CEACAM5: variants seen among roughly 807,000 people sequenced by gnomAD.
The protein encoded by CEACAM5 is CEA cell adhesion molecule 5, also known as cell adhesion molecule CEACAM5.
CEACAM5 carries 52 observed loss-of-function variants against 63.0 expected under a neutral mutation model. That is an observed-to-expected ratio of 0.83 (90% CI 0.66 to 1.04). The LOEUF (loss-of-function observed/expected upper bound fraction) is 1.04. CEACAM5 is among the 50% of genes least tolerant of loss of function. The pLI is 0.00. For missense variants in CEACAM5, 790 were observed against 864.8 expected (o/e 0.91, Z 1.08); for synonymous variants, 357 against 351.3 (o/e 1.02, Z -0.18).
At chr19:41,718,795 T>C (rs2072570308) in intron 6 of CEACAM5, among the ~76,000 whole-genome samples, 1 of 152,244 alleles carries the variant, frequency 6.6e-6, no homozygotes, top group African/African-American at 2.4e-5. Flanking sequence ...CTCACACTTT[T>C]TCCCCAAATG....
At chr19:41,712,414 C>G (rs2072450645) in intron 2 of CEACAM5, among the ~76,000 whole-genome samples, 1 of 152,268 alleles carries the variant, frequency 6.6e-6, no homozygotes. Flanking sequence ...GTTGTGTTTT[C>G]TGAGGTTGAT....
intron 8 of CEACAM5, among the ~76,000 whole-genome samples, chr19:41,722,609 G>A (rs2072640415): frequency 6.6e-6 from 1 of 152,096 alleles, no homozygotes; most frequent in Non-Finnish European, 1.5e-5. Flanking sequence ...TTTTGTGTCT[G>A]CCCTATTTCA....
chr19:41,715,989 A>G (rs1489324699), intron 4 of CEACAM5, 85 bp downstream of exon 4: 2 of 1,513,484 alleles, frequency 1.3e-6, no homozygotes, highest in Non-Finnish European at 9.0e-7. Context: ...GACATTTTCT[A>G]TCCCAGCCTG....
chr19:41,709,784 A>T lies in CEACAM5; in HGVS notation c.169A>T (p.Asn57Tyr), dbSNP rs1391241304. Residue 57 changes from asparagine to tyrosine, a missense_variant, in exon 2 of 10, where the codon AAT becomes TAT. By Grantham distance (143) the Asn-to-Tyr change is moderately radical (BLOSUM62 -2). Transcript: ENST00000221992. Reference protein sequence around the residue: ...EGKEVLLLVHNLPQHLFGYSW... With the variant: ...EGKEVLLLVHYLPQHLFGYSW... ...GAAGGAGGTGCTTCTACTTGTCCAC[A>T]ATCTGCCCCAGCATCTTTTTGGCTA... 6.2e-7 allele frequency: 1 copy of T among 1,613,994 alleles called. No homozygotes were observed. The highest frequency in any genetic ancestry group is 1.3e-5 in the African/African-American group (1 of 74,886).
chr19:41,726,085 T>G (rs1027507037), intron 8 of CEACAM5, among the ~76,000 whole-genome samples: 23 of 152,348 alleles, frequency 1.5e-4, no homozygotes, highest in African/African-American at 4.8e-4. Flanking sequence ...ACAGTATTGT[T>G]TTAAAGATTT....
chr19:41,711,675 G>A (rs569843795), intron 2 of CEACAM5, among the ~76,000 whole-genome samples: 1 of 152,154 alleles, frequency 6.6e-6, no homozygotes, highest in Non-Finnish European at 1.5e-5. Flanking sequence ...GGTCTCCGAG[G>A]TCACTATACC....
rs2072749058 is a variant in CEACAM5, at chr19:41,729,969, A to T, written c.*822A>T. Among the ~76,000 whole-genome samples the T allele has an allele frequency of 1.3e-5, 2 of 152,226 alleles. No individual in the cohort carries two copies. The highest frequency in any genetic ancestry group is 1.3e-4 in the Admixed American group (2 of 15,280). On this transcript the variant is annotated 3_prime_UTR_variant, in exon 10 of 10. Coordinates refer to ENST00000221992, the MANE Select transcript of CEACAM5 (RefSeq NM_004363.6). Reference sequence around the variant, plus strand: ...GTTATATTACCAAGACTTTGACTAGAATGTCGTATTTGAGGATATAAACCC... The same window carrying T: ...GTTATATTACCAAGACTTTGACTAGTATGTCGTATTTGAGGATATAAACCC...
In CEACAM5 at chr19:41,715,202, A is replaced by G. The variant is rs141597462; in HGVS notation, c.656A>G (p.Asn219Ser). The change falls in exon 3 of 10, where the codon AAC (asparagine) becomes AGC (serine). Residue 219 changes from asparagine to serine, a missense_variant. Coordinates refer to ENST00000221992, the MANE Select transcript of CEACAM5 (RefSeq NM_004363.6). ...DTASYKCETQ[N>S]PVSARRSDSV... ...GCAAGCTACAAATGTGAAACCCAGAACCCAGTGAGTGCCAGGCGCAGTGAT... is the reference window on the plus strand; with the variant it reads ...GCAAGCTACAAATGTGAAACCCAGAGCCCAGTGAGTGCCAGGCGCAGTGAT... 6.6e-5 allele frequency: 106 copies of G among 1,614,174 alleles called. No individual in the cohort carries two copies. The African/African-American group carries it at 1.3e-3, about 20-fold the overall frequency.
chr19:41,708,730 C>T lies in CEACAM5; in HGVS notation c.-2C>T, dbSNP rs782171457. On this transcript the variant is annotated 5_prime_UTR_variant, in exon 1 of 10. Transcript: ENST00000221992. ...AGGAGGACAGAGCAGACAGCAGAGA[C>T]CATGGAGTCTCCCTCGGCCCCTCCC... is the stretch of plus-strand genomic sequence containing the variant. 2.0e-5 allele frequency: 32 copies of T among 1,610,180 alleles called. No homozygotes were observed. The highest frequency in any genetic ancestry group is 1.5e-4 in the South Asian group (14 of 90,528).
chr19:41,719,679 C>G (rs2072585550), intron 6 of CEACAM5, among the ~76,000 whole-genome samples: 1 of 152,224 alleles, frequency 6.6e-6, no homozygotes, highest in Non-Finnish European at 1.5e-5. Flanking sequence ...AGTCCTGGGT[C>G]TGTCCACAAC....
At chr19:41,722,734 A>G (rs2072642333) in intron 8 of CEACAM5, among the ~76,000 whole-genome samples, 1 of 152,198 alleles carries the variant, frequency 6.6e-6, no homozygotes, top group Non-Finnish European at 1.5e-5. Context: ...CTATCCACTT[A>G]TCTTTCAATG....
In CEACAM5 at chr19:41,720,101, C is replaced by T. The variant is rs2072595385; in HGVS notation, c.1664C>T (p.Thr555Ile). The T allele has an allele frequency of 9.3e-6, 15 of 1,614,080 alleles. No individual in the cohort carries two copies. The highest frequency in any genetic ancestry group is 1.3e-5 in the Non-Finnish European group (15 of 1,180,054). The change falls in exon 7 of 10, where the codon ACC becomes ATC. Residue 555 changes from threonine (T) to isoleucine (I), a missense_variant. Physicochemically the swap from Thr to Ile is moderately conservative, Grantham distance 89. Coordinates refer to ENST00000221992, the MANE Select transcript of CEACAM5 (RefSeq NM_004363.6). ...PRLQLSNGNR[T>I]LTLFNVTRND... Reference sequence around the variant, plus strand: ...CTGCAGCTGTCCAATGGCAACAGGACCCTCACTCTATTCAATGTCACAAGA... The same window carrying T: ...CTGCAGCTGTCCAATGGCAACAGGATCCTCACTCTATTCAATGTCACAAGA...
rs3815780 is a variant in CEACAM5, at chr19:41,710,025, A to C, written c.410A>C (p.Gln137Pro). Residue 137 changes from glutamine (Q) to proline (P), a missense_variant, in exon 2 of 10, where the codon CAG (glutamine) becomes CCG (proline). Physicochemically the swap from Gln to Pro is moderately conservative, Grantham distance 76 (BLOSUM62 -1). Coordinates refer to ENST00000221992, the MANE Select transcript of CEACAM5 (RefSeq NM_004363.6). Reference sequence around the variant, plus strand: ...CTTGTGAATGAAGAAGCAACTGGCCAGTTCCGGGTATACCGTGAGTGATTC... The same window carrying C: ...CTTGTGAATGAAGAAGCAACTGGCCCGTTCCGGGTATACCGTGAGTGATTC... ...SDLVNEEATG[Q>P]FRVYPELPKP... is the part of the protein sequence containing the mutation. 1,067 of 1,602,928 alleles carry C rather than the reference A, an allele frequency of 6.7e-4. 12 individuals are homozygous for C. The East Asian group carries it at 0.02, about 30-fold the overall frequency.
Position 41,710,019 on chromosome 19 carries a change from C to T in CEACAM5, c.404C>T (p.Thr135Ile). 1 of 1,606,550 alleles carries T rather than the reference C, an allele frequency of 6.2e-7. No individual in the cohort carries two copies. Among genetic ancestry groups the T allele is most frequent in the East Asian group, 2.2e-5 (1 of 44,838 alleles). ...IKSDLVNEEA[T>I]GQFRVYPELP... ...TCAGATCTTGTGAATGAAGAAGCAA[C>T]TGGCCAGTTCCGGGTATACCGTGAG... The change falls in exon 2 of 10, where the codon ACT becomes ATT. Residue 135 changes from threonine (T) to isoleucine (I), a missense_variant. Coordinates refer to ENST00000221992, the MANE Select transcript of CEACAM5 (RefSeq NM_004363.6).
intron 2 of CEACAM5, among the ~76,000 whole-genome samples, chr19:41,712,865 C>T (rs1448376557): frequency 6.6e-6 from 1 of 152,106 alleles, no homozygotes; most frequent in Non-Finnish European, 1.5e-5. Flanking sequence ...TAACTATAGT[C>T]AGAAAATAAC....
At chr19:41,713,229 C>T (rs1438601049) in intron 2 of CEACAM5, among the ~76,000 whole-genome samples, 3 of 151,922 alleles carry the variant, frequency 2.0e-5, no homozygotes, top group Non-Finnish European at 4.4e-5. Context: ...CGCTTGAACC[C>T]GGGAGGTGGA....
intron 2 of CEACAM5, among the ~76,000 whole-genome samples, chr19:41,711,917 T>C (rs1343855089): frequency 6.6e-6 from 1 of 151,874 alleles, no homozygotes; most frequent in South Asian, 2.1e-4. Context: ...TCACAGGCAA[T>C]AGGGAAGGCA....
intron 8 of CEACAM5, among the ~76,000 whole-genome samples, chr19:41,726,364 A>C (rs1200748445): frequency 6.6e-6 from 1 of 152,252 alleles, no homozygotes; most frequent in East Asian, 1.9e-4. Flanking sequence ...AAGCATTTAC[A>C]GTAGCTAACA....
Position 41,729,568 on chromosome 19 carries a change from T to C in CEACAM5, c.*421T>C, listed in dbSNP as rs1175346920. On this transcript the variant is annotated 3_prime_UTR_variant, in exon 10 of 10. Transcript: ENST00000221992. ...TGCACTGTCTGAGAATTTCCAAAAC[T>C]TTAATGAACTAACTGACAGCTTCAT... 1 of 152,212 alleles carries C rather than the reference T, an allele frequency of 6.6e-6. No homozygotes were observed. The highest frequency in any genetic ancestry group is 1.5e-5 in the Non-Finnish European group (1 of 68,034). The allele number at this position is 152,212 out of a possible 1,614,324, so 9.4% of individuals were successfully genotyped here.
Sources: gnomAD v4.1 joint callset for allele counts (sites outside exome capture counted in the v4.1 genomes callset) on GRCh38, gnomAD v4.1.1 for gene constraint, MANE v1.5 for transcripts, NCBI Gene and HGNC (gene_info 2026-07-23, HGNC 2026-07-21) for gene names.